The following MUC3A variants were observed in gnomAD, a reference collection of about 807,000 sequenced individuals.
MUC3A encodes mucin 3A, cell surface associated.
In MUC3A, 109 loss-of-function variants were observed where a neutral mutation model predicts 109.0. That is an observed-to-expected ratio of 1.00 (90% CI 0.86 to 1.17). The LOEUF (loss-of-function observed/expected upper bound fraction) is 1.17, where lower values mean the gene tolerates loss of function less well. MUC3A is among the 50% of genes most tolerant of loss of function. MUC3A has a pLI of 0.00. For missense variants in MUC3A, 3,537 were observed against 2,469.4 expected (o/e 1.43, Z -9.16); for synonymous variants, 1,398 against 981.4 (o/e 1.42, Z -7.93).
intron 3 of MUC3A, 84 bp from the exon 4 acceptor site, chr7:100,963,067 A>T: frequency 6.8e-7 from 1 of 1,461,236 alleles, no homozygotes; most frequent in East Asian, 2.4e-5. Context: ...CAGCAGGAGG[A>T]GCCTGTGGGT....
At chr7:100,966,237 G>GGGTGGAGACCCGTCCGCTTGTGCTAC in intron 8 of MUC3A, 149 bp from the exon 9 acceptor site, 2 of 663,566 alleles carry the variant, frequency 3.0e-6, no homozygotes, top group Non-Finnish European at 4.2e-6. Flanking sequence ...CCTCGTTCTA[G>GGGTGGAGACCCGTCCGCTTGTGCTAC]GGTGGATTCC....
intron 5 of MUC3A, 41 bp from the exon 6 acceptor site, chr7:100,964,654 G>A: frequency 1.9e-6 from 3 of 1,575,282 alleles, no homozygotes; most frequent in South Asian, 2.2e-5. Flanking sequence ...GGACCCATAT[G>A]TTCCTGGCTG....
In MUC3A at chr7:100,967,448, T is replaced by C. The variant is rs1303109983; in HGVS notation, c.*286T>C. ...AAACGGGTACAGCATTCCTGTATGA[T>C]AGCTCACGCCGTTGTTGTGAAAACC... On this transcript the variant is annotated 3_prime_UTR_variant, in exon 12 of 12. Transcript: ENST00000379458. 1.0e-5 allele frequency: 6 copies of C among 590,820 alleles called. No homozygotes were observed. Among genetic ancestry groups the C allele is most frequent in the South Asian group, 8.6e-5 (4 of 46,488 alleles). 36.6% of individuals were successfully genotyped at this position (590,820 alleles called of 1,614,324 possible). A position where few individuals can be genotyped will look rare whatever the true frequency, so the allele number is the denominator to read the frequency against.
Position 100,960,399 on chromosome 7 carries a change from A to C in MUC3A, c.8620A>C (p.Ser2874Arg), listed in dbSNP as rs1164355380. Reference protein sequence around the residue: ...TRLPTSETWLSNSSVIPLPLP... With the variant: ...TRLPTSETWLRNSSVIPLPLP... Reference sequence around the variant, plus strand: ...ACTGCCCACCAGTGAGACCTGGCTGAGCAACAGTTCTGTGATCCCCCTACC... The same window carrying C: ...ACTGCCCACCAGTGAGACCTGGCTGCGCAACAGTTCTGTGATCCCCCTACC... Residue 2874 changes from serine (S) to arginine (R), a missense_variant, in exon 2 of 12, where the codon AGC becomes CGC. Coordinates refer to ENST00000379458, the MANE Select transcript of MUC3A (RefSeq NM_005960.2). 2.5e-6 allele frequency: 4 copies of C among 1,598,428 alleles called. No homozygotes were observed. The African/African-American group carries it at 5.3e-5, about 21-fold the overall frequency.
Position 100,956,550 on chromosome 7 carries a change from C to T in MUC3A, c.4771C>T (p.Pro1591Ser). The T allele has an allele frequency of 1.1e-5, 5 of 455,270 alleles. No individual in the cohort carries two copies. Among genetic ancestry groups the T allele is most frequent in the Non-Finnish European group, 1.9e-5 (5 of 260,436 alleles). 28.2% of individuals were successfully genotyped at this position (455,270 alleles called of 1,614,324 possible). A position where few individuals can be genotyped will look rare whatever the true frequency, so the allele number is the denominator to read the frequency against. Residue 1591 changes from proline to serine, a missense_variant, in exon 2 of 12, where the codon CCT becomes TCT. Coordinates refer to ENST00000379458, the MANE Select transcript of MUC3A (RefSeq NM_005960.2). ...PSSVGISGSLPMMTDLTSVYT... is the reference protein window; with the variant it reads ...PSSVGISGSLSMMTDLTSVYT... ...ATCCGTGGGCATCAGTGGTTCATTA[C>T]CTATGATGACAGACCTCACCTCAGT...
Position 100,964,737 on chromosome 7 carries a change from G to A in MUC3A, c.9276G>A (p.Met3092Ile). 1.3e-6 allele frequency: 2 copies of A among 1,598,496 alleles called. No individual in the cohort carries two copies. Among genetic ancestry groups the A allele is most frequent in the Non-Finnish European group, 1.7e-6 (2 of 1,179,782 alleles). ...TGGACTACCTGGTCCTGCTGGAGAT[G>A]CCCTTCAGCCCCCAGCTGGAGAGCG... ...IVVDYLVLLE[M>I]PFSPQLESEY... The change falls in exon 6 of 12, where the codon ATG (methionine) becomes ATA (isoleucine). Residue 3092 changes from methionine to isoleucine, a missense_variant. By Grantham distance (10) the Met-to-Ile change is conservative. Coordinates refer to ENST00000379458, the MANE Select transcript of MUC3A (RefSeq NM_005960.2).
chr7:100,958,288 C>T lies in MUC3A; in HGVS notation c.6509C>T (p.Thr2170Ile). The change falls in exon 2 of 12, where the codon ACC becomes ATC. Residue 2170 changes from threonine (T) to isoleucine (I), a missense_variant. Coordinates refer to ENST00000379458, the MANE Select transcript of MUC3A (RefSeq NM_005960.2). ...SFTSLITTTE[T>I]TSHRWGTTET... Reference sequence around the variant, plus strand: ...ACTTCTTTGATCACCACCACGGAGACCACCTCACACAGGTGGGGGACCACC... The same window carrying T: ...ACTTCTTTGATCACCACCACGGAGATCACCTCACACAGGTGGGGGACCACC... 3.4e-6 allele frequency: 3 copies of T among 876,522 alleles called. No individual in the cohort carries two copies. The highest frequency in any genetic ancestry group is 4.0e-6 in the Non-Finnish European group (3 of 747,390). 54.3% of individuals were successfully genotyped at this position (876,522 alleles called of 1,614,324 possible).
chr7:100,950,525 A>T (rs1222765651), intron 1 of MUC3A, among the ~76,000 whole-genome samples: 2 of 152,278 alleles, frequency 1.3e-5, no homozygotes, highest in Non-Finnish European at 2.9e-5. Flanking sequence ...ATAATCCCTG[A>T]CCCCACTTCC....
chr7:100,966,243 A>AGACCCGACCGCTTG, intron 8 of MUC3A, 143 bp from the exon 9 acceptor site: 1 of 827,616 alleles, frequency 1.2e-6, no homozygotes, highest in Non-Finnish European at 1.6e-6. Flanking sequence ...TCTAGGGTGG[A>AGACCCGACCGCTTG]TTCCCAGCCC....
At position 100,959,260 on chromosome 7, in the gene MUC3A, C is replaced by A. The variant is rs573217778; in HGVS notation, c.7481C>A (p.Pro2494His). The change falls in exon 2 of 12, where the codon CCT becomes CAT. Residue 2494 changes from proline to histidine, a missense_variant. Transcript: ENST00000379458. The part of the protein sequence containing the change: ...IPTTSLRTLT[P>H]SSVGTSTSLT... ...ACCACAAGCCTACGAACTCTCACCC[C>A]TTCGTCTGTGGGCACCAGCACTTCA... The A allele has an allele frequency of 6.3e-7, 1 of 1,596,176 alleles. No homozygotes were observed. Among genetic ancestry groups the A allele is most frequent in the Non-Finnish European group, 8.5e-7 (1 of 1,178,316 alleles).
chr7:100,966,769 G>A (rs1157714333), intron 10 of MUC3A, 26 bp downstream of exon 10: 4 of 1,598,534 alleles, frequency 2.5e-6, no homozygotes, highest in Non-Finnish European at 3.4e-6. Flanking sequence ...TGGGGAAGCA[G>A]GCAGAGGCTT....
Position 100,952,395 on chromosome 7 carries a change from T to TCCG in MUC3A, c.618_619insGCC (p.Ser206_Ser207insAla). ...AACTCCCATAGTGACAGTGACACCCTCCTCTGTGTCAGCCACAGACACAAC... is the reference window on the plus strand; with the variant it reads ...AACTCCCATAGTGACAGTGACACCCTCCGCCTCTGTGTCAGCCACAGACACAAC... On this transcript the variant is annotated inframe_insertion, in exon 2 of 12. Coordinates refer to ENST00000379458, the MANE Select transcript of MUC3A (RefSeq NM_005960.2). 1.9e-6 allele frequency: 3 copies of TCCG among 1,598,518 alleles called. No individual in the cohort carries two copies. The highest frequency in any genetic ancestry group is 2.5e-6 in the Non-Finnish European group (3 of 1,179,764).
In MUC3A at chr7:100,960,147, G is replaced by C. The variant is rs891599276; in HGVS notation, c.8368G>C (p.Asp2790His). 1.1e-5 allele frequency: 17 copies of C among 1,557,010 alleles called. No homozygotes were observed. Among genetic ancestry groups the C allele is most frequent in the Non-Finnish European group, 1.5e-5 (17 of 1,157,492 alleles). The change falls in exon 2 of 12, where the codon GAT becomes CAT. Residue 2790 changes from aspartate (D) to histidine (H), a missense_variant. Asp to His is a moderately conservative substitution (Grantham distance 81, BLOSUM62 -1). Transcript: ENST00000379458. ...CCCCACTGATCCATGTGTTGAAATG[G>C]ATCCCAGCACTGAAGCTACTTCTCC... Reference protein sequence around the residue: ...ASPTDPCVEMDPSTEATSPPT... With the variant: ...ASPTDPCVEMHPSTEATSPPT...
rs750973260 is a variant in MUC3A, at chr7:100,960,442, C to A, written c.8663C>A (p.Thr2888Asn). 1.3e-6 allele frequency: 2 copies of A among 1,598,594 alleles called. No individual in the cohort carries two copies. ...CCCCTACCTCTTCCTGGCGTCTCTA[C>A]CATCCCGCTCACCATGAAACCAAGC... The part of the protein sequence containing the change: ...VIPLPLPGVS[T>N]IPLTMKPSSS... Residue 2888 changes from threonine to asparagine, a missense_variant, in exon 2 of 12, where the codon ACC becomes AAC. Thr to Asn is a moderately conservative substitution (Grantham distance 65, BLOSUM62 0). Coordinates refer to ENST00000379458, the MANE Select transcript of MUC3A (RefSeq NM_005960.2).
intron 3 of MUC3A, among the ~76,000 whole-genome samples, chr7:100,961,917 G>A (rs1304527493): frequency 2.6e-5 from 4 of 152,300 alleles, no homozygotes; most frequent in African/African-American, 4.8e-5. Context: ...GGACCAGCCT[G>A]GGCAACACAG....
intron 3 of MUC3A, among the ~76,000 whole-genome samples, chr7:100,961,284 T>C (rs1438458071): frequency 6.6e-6 from 1 of 152,310 alleles, no homozygotes; most frequent in Non-Finnish European, 1.5e-5. Flanking sequence ...CTGATGTGGG[T>C]GTCACTGGGC....
rs1309718132 is a variant in MUC3A at position 100,968,200 on chromosome 7, C to G, written c.*1038C>G. ...CCCTCCGATTCCCCTCCTCCCCCTT[C>G]TCTTCCTGGTGTCACCTGGATTCCT... On this transcript the variant is annotated 3_prime_UTR_variant, in exon 12 of 12. Coordinates refer to ENST00000379458, the MANE Select transcript of MUC3A (RefSeq NM_005960.2). The G allele has an allele frequency of 6.6e-6, 1 of 152,324 alleles. No homozygotes were observed. Among genetic ancestry groups the G allele is most frequent in the South Asian group, 2.1e-4 (1 of 4,838 alleles). The allele number at this position is 152,324 out of a possible 1,614,324, so 9.4% of individuals were successfully genotyped here. A position where few individuals can be genotyped will look rare whatever the true frequency, so the allele number is the denominator to read the frequency against.
rs368612811 is a variant in MUC3A at position 100,959,991 on chromosome 7, A to G, written c.8212A>G (p.Thr2738Ala). The G allele has an allele frequency of 3.4e-5, 51 of 1,505,324 alleles. No individual in the cohort carries two copies. The African/African-American group carries it at 6.0e-4, about 18-fold the overall frequency. 93.2% of individuals were successfully genotyped at this position (1,505,324 alleles called of 1,614,324 possible). Residue 2738 changes from threonine to alanine, a missense_variant, in exon 2 of 12, where the codon ACT becomes GCT. Transcript: ENST00000379458. ...TGFPSLSSSA[T>A]TSTSSTSSSL... The stretch of plus-strand genomic sequence containing the variant: ...CTTTCCTAGTCTCTCTTCCTCTGCA[A>G]CTACCAGCACTTCTTCAACCAGCTC...
At position 100,957,918 on chromosome 7, in the gene MUC3A, A is replaced by C. The variant is rs1792145141; in HGVS notation, c.6139A>C (p.Ile2047Leu). Reference sequence around the variant, plus strand: ...TAGTACTCCCAGCTTCACTTCTTCGATCACCACCGAGACCACATCCCACAG... The same window carrying C: ...TAGTACTCCCAGCTTCACTTCTTCGCTCACCACCGAGACCACATCCCACAG... The part of the protein sequence containing the change: ...SHSTPSFTSS[I>L]TTETTSHSTP... Residue 2047 changes from isoleucine (I) to leucine (L), a missense_variant, in exon 2 of 12, where the codon ATC becomes CTC. Ile to Leu is a conservative substitution (Grantham distance 5). Coordinates refer to ENST00000379458, the MANE Select transcript of MUC3A (RefSeq NM_005960.2). 1.7e-6 allele frequency: 1 copy of C among 592,078 alleles called. No individual in the cohort carries two copies. 36.7% of individuals were successfully genotyped at this position (592,078 alleles called of 1,614,324 possible). A position where few individuals can be genotyped will look rare whatever the true frequency, so the allele number is the denominator to read the frequency against.
Sources: allele counts gnomAD v4.1 joint callset (sites outside exome capture counted in the v4.1 genomes callset), GRCh38; gene constraint gnomAD v4.1.1; transcripts MANE v1.5; gene names NCBI Gene and HGNC (gene_info 2026-07-23, HGNC 2026-07-21).